PSMD11: variants seen among roughly 807,000 people sequenced by gnomAD.
PSMD11 encodes 26S proteasome non-ATPase regulatory subunit 11.
A neutral mutation model predicts 62.3 loss-of-function variants in PSMD11; 5 were observed. The ratio of observed to expected loss-of-function variants is 0.08; its 90% CI spans 0.04 to 0.17. PSMD11 has a LOEUF of 0.17. Among genes scored for constraint, PSMD11 ranks in the 10% least tolerant of loss-of-function variants. The pLI is 1.00. For synonymous variants in PSMD11, 191 were observed against 191.8 expected (o/e 1.00, Z 0.03); for missense variants, 310 against 512.9 (o/e 0.60, Z 3.82).
intron 7 of PSMD11, 146 bp from the exon 8 acceptor site, chr17:32,474,618 G>C: frequency 2.8e-6 from 2 of 721,550 alleles, no homozygotes; most frequent in South Asian, 1.6e-5. Context: ...GCAATGTGAT[G>C]GGCATATGGG....
At chr17:32,475,527 A>C (rs1030786696) in intron 8 of PSMD11, among the ~76,000 whole-genome samples, 1 of 151,538 alleles carries the variant, frequency 6.6e-6, no homozygotes, top group Non-Finnish European at 1.5e-5. Flanking sequence ...TTGGCTGTCT[A>C]TATAATCTCA....
intron 2 of PSMD11, among the ~76,000 whole-genome samples, chr17:32,448,436 C>T (rs1334271223): frequency 6.6e-6 from 1 of 150,748 alleles, no homozygotes. Flanking sequence ...GGTGCGATCT[C>T]GGCTCACTGC....
At chr17:32,472,259 G>A (rs537084617) in intron 6 of PSMD11, among the ~76,000 whole-genome samples, 1 of 149,578 alleles carries the variant, frequency 6.7e-6, no homozygotes, top group Non-Finnish European at 1.5e-5. Context: ...GTCTTGCTCT[G>A]TTGCCCAGGC....
chr17:32,474,862 G>A, intron 8 of PSMD11, 38 bp downstream of exon 8: 2 of 1,570,066 alleles, frequency 1.3e-6, no homozygotes, highest in African/African-American at 1.4e-5. Flanking sequence ...CTCACTCTGA[G>A]ACCAGCATGT....
At chr17:32,479,726 G>A (rs1567859547) in intron 10 of PSMD11, 125 bp from the exon 11 acceptor site, 34 of 1,141,336 alleles carry the variant, frequency 3.0e-5, no homozygotes, top group Non-Finnish European at 4.0e-5. Flanking sequence ...ACTTAAGCAC[G>A]GCCAAGGAGG....
rs554295043 is a variant in PSMD11 at position 32,450,417 on chromosome 17, G to A, written c.193+3371G>A. On this transcript the variant is annotated intron_variant, in intron 2 of 13. Transcript: ENST00000261712. Reference sequence around the variant, plus strand: ...ACTACAGGCGTGAGCCACCATGCTCGGCTAATTTTTTTTTTTTTTTTTTTC... The same window carrying A: ...ACTACAGGCGTGAGCCACCATGCTCAGCTAATTTTTTTTTTTTTTTTTTTC... 6.4e-5 allele frequency among the ~76,000 whole-genome samples: 9 copies of A among 141,604 alleles called. 1 individual carries two copies. The South Asian group carries it at 1.1e-3, about 18-fold the overall frequency. 92.9% of individuals were successfully genotyped at this position (141,604 alleles called of 152,430 possible).
chr17:32,447,247 A>G (rs1907358111), intron 2 of PSMD11: 1 of 496,092 alleles, frequency 2.0e-6, no homozygotes, highest in Non-Finnish European at 3.5e-6. Flanking sequence ...CAAATGAGAG[A>G]CAATCTTATT....
chr17:32,452,836 C>A (rs1164348270), intron 2 of PSMD11, among the ~76,000 whole-genome samples: 1 of 152,122 alleles, frequency 6.6e-6, no homozygotes, highest in African/African-American at 2.4e-5. Flanking sequence ...CCACAAAATA[C>A]CACAAGTAGT....
chr17:32,459,759 G>A (rs1417606424), intron 3 of PSMD11, among the ~76,000 whole-genome samples: 3 of 151,942 alleles, frequency 2.0e-5, no homozygotes, highest in Non-Finnish European at 2.9e-5. Context: ...TCTGCCTCCC[G>A]GGTTCAAGTG....
At chr17:32,454,858 A>C in intron 3 of PSMD11, 1 of 395,124 alleles carries the variant, frequency 2.5e-6, no homozygotes, top group Non-Finnish European at 4.6e-6. Context: ...CAGGGTCACA[A>C]ACTGATTCTT....
In PSMD11 at chr17:32,480,610, C is replaced by A. The variant is rs78876518; in HGVS notation, c.1248C>A (p.Asn416Lys). The A allele has an allele frequency of 6.2e-7, 1 of 1,614,140 alleles. No homozygotes were observed. The highest frequency in any genetic ancestry group is 8.5e-7 in the Non-Finnish European group (1 of 1,180,022). ...GCAAAGTAGTGGATTCCCTCTACAA[C>A]AAAGCCAAGAAACTGACATAGGTGA... ...NMSKVVDSLY[N>K]KAKKLT The change falls in exon 13 of 14, where the codon AAC becomes AAA. Residue 416 changes from asparagine to lysine, a missense_variant. Coordinates refer to ENST00000261712, the MANE Select transcript of PSMD11 (RefSeq NM_002815.4).
At chr17:32,478,179 A>G (rs1463550390) in intron 9 of PSMD11, among the ~76,000 whole-genome samples, 1 of 152,230 alleles carries the variant, frequency 6.6e-6, no homozygotes, top group Non-Finnish European at 1.5e-5. Context: ...TGAGAATTAT[A>G]TAGTCTTTCC....
At chr17:32,451,151 C>T (rs1907485795) in intron 2 of PSMD11, among the ~76,000 whole-genome samples, 1 of 150,416 alleles carries the variant, frequency 6.6e-6, no homozygotes, top group African/African-American at 2.4e-5. Context: ...AAGAAAAAGA[C>T]ATGTAGGGGG....
At chr17:32,452,142 C>T (rs982523821) in intron 2 of PSMD11, among the ~76,000 whole-genome samples, 2 of 152,192 alleles carry the variant, frequency 1.3e-5, no homozygotes, top group Non-Finnish European at 2.9e-5. Context: ...TTTGTTTCCA[C>T]ATTGTGTGTG....
intron 3 of PSMD11, among the ~76,000 whole-genome samples, chr17:32,462,007 T>TAA (rs1187883183): frequency 6.6e-6 from 1 of 152,190 alleles, no homozygotes; most frequent in African/African-American, 2.4e-5. Flanking sequence ...GTGAATCACT[T>TAA]AGTGTCTGGA....
intron 5 of PSMD11, among the ~76,000 whole-genome samples, chr17:32,466,168 G>A (rs140384119): frequency 1.0e-3 from 154 of 152,086 alleles, no homozygotes; most frequent in African/African-American, 3.5e-3. Context: ...GCTAATTTTT[G>A]TATCTTTTAG....
At chr17:32,458,523 T>C (rs1022885142) in intron 3 of PSMD11, among the ~76,000 whole-genome samples, 2 of 152,268 alleles carry the variant, frequency 1.3e-5, no homozygotes, top group Non-Finnish European at 2.9e-5. Flanking sequence ...GTGACTCACA[T>C]TGTATTTTGT....
At chr17:32,462,845 C>G (rs1209101226) in intron 3 of PSMD11, among the ~76,000 whole-genome samples, 1 of 152,126 alleles carries the variant, frequency 6.6e-6, no homozygotes, top group Non-Finnish European at 1.5e-5. Context: ...AGCCACCATA[C>G]CTGGCTAATT....
At chr17:32,451,328 A>G (rs940627112) in intron 2 of PSMD11, among the ~76,000 whole-genome samples, 8 of 152,234 alleles carry the variant, frequency 5.3e-5, no homozygotes, top group Non-Finnish European at 7.3e-5. Flanking sequence ...AAAGATAGAA[A>G]TAACAGCAGA....
Sources: gnomAD v4.1 joint callset for allele counts (sites outside exome capture counted in the v4.1 genomes callset) on GRCh38, gnomAD v4.1.1 for gene constraint, MANE v1.5 for transcripts, NCBI Gene and HGNC (gene_info 2026-07-23, HGNC 2026-07-21) for gene names.